Variants in PDE9A observed in about 807,000 individuals in gnomAD.
PDE9A encodes the protein phosphodiesterase 9A, also known as high affinity cGMP-specific 3',5'-cyclic phosphodiesterase 9A.
PDE9A carries 60 observed loss-of-function variants against 87.4 expected under a neutral mutation model. That is an observed-to-expected ratio of 0.69 (90% CI 0.56 to 0.85). The LOEUF (loss-of-function observed/expected upper bound fraction) is 0.85. Among genes scored for constraint, PDE9A ranks in the 40% least tolerant of loss-of-function variants. PDE9A has a pLI of 0.00. For missense variants in PDE9A, 665 were observed against 779.0 expected (o/e 0.85, Z 1.74); for synonymous variants, 272 against 279.4 (o/e 0.97, Z 0.27).
Position 42,716,372 on chromosome 21 carries a change from C to T in PDE9A, c.263-15398C>T, listed in dbSNP as rs138173296. Among the ~76,000 whole-genome samples the T allele has an allele frequency of 4.0e-4, 61 of 151,854 alleles. 1 individual carries two copies. Among genetic ancestry groups the T allele is most frequent in the South Asian group, 2.1e-4 (1 of 4,720 alleles). ...AGCAGCAATGAACGAGCATTCCTGC[C>T]GCTCCACATCCTCCCCAGCTTTTGT... On this transcript the variant is annotated intron_variant, in intron 4 of 19. Coordinates refer to ENST00000291539, the MANE Select transcript of PDE9A (RefSeq NM_002606.3).
intron 4 of PDE9A, among the ~76,000 whole-genome samples, chr21:42,711,375 C>A (rs190097472): frequency 6.6e-6 from 1 of 151,816 alleles, no homozygotes; most frequent in Non-Finnish European, 1.5e-5. Context: ...CTCAGGCTCC[C>A]GAGTAACTAG....
chr21:42,755,470 C>G (rs987570603), intron 10 of PDE9A, among the ~76,000 whole-genome samples: 3 of 152,322 alleles, frequency 2.0e-5, no homozygotes, highest in East Asian at 3.9e-4. Context: ...TGCTCAAAAC[C>G]TCCAGCCGCC....
chr21:42,761,258 C>A (rs562610188), intron 13 of PDE9A, among the ~76,000 whole-genome samples: 3 of 152,256 alleles, frequency 2.0e-5, no homozygotes, highest in Admixed American at 6.5e-5. Context: ...GGGCTCCACA[C>A]CCCCCTCTCA....
chr21:42,746,025 T>C (rs766484396), intron 8 of PDE9A, among the ~76,000 whole-genome samples: 1 of 152,188 alleles, frequency 6.6e-6, no homozygotes, highest in African/African-American at 2.4e-5. Flanking sequence ...TGGAGGTGTT[T>C]GTAGGATGCA....
intron 3 of PDE9A, chr21:42,690,018 G>A (rs2059706139): frequency 2.0e-6 from 2 of 985,350 alleles, no homozygotes; most frequent in Admixed American, 1.2e-4. Context: ...GGATACAGGT[G>A]AAGAAGGTGG....
chr21:42,769,507 ACATGCACACAAGG>A (rs2056764253), intron 17 of PDE9A, among the ~76,000 whole-genome samples: 1 of 113,688 alleles, frequency 8.8e-6, no homozygotes, highest in East Asian at 2.8e-4. Flanking sequence ...ACGCAGGTAC[ACATGCACACAAGG>A]CACACAGGCA....
chr21:42,730,544 A>C (rs2051620387), intron 4 of PDE9A, among the ~76,000 whole-genome samples: 2 of 152,230 alleles, frequency 1.3e-5, no homozygotes, highest in African/African-American at 4.8e-5. Flanking sequence ...ATTTATATAA[A>C]ACTTATAACC....
chr21:42,689,414 C>A, intron 3 of PDE9A: 2 of 393,728 alleles, frequency 5.1e-6, no homozygotes, highest in Non-Finnish European at 6.9e-6. Context: ...CTCCAGTAAG[C>A]ATCTTGTCAG....
chr21:42,696,385 T>G lies in PDE9A; in HGVS notation c.219-2583T>G, dbSNP rs895032839. ...ACCCGCCCCCCACCTCCAGCATTAATTTTCTAGGGACAAGGGGCAGGGGAA... is the reference window on the plus strand; with the variant it reads ...ACCCGCCCCCCACCTCCAGCATTAAGTTTCTAGGGACAAGGGGCAGGGGAA... On this transcript the variant is annotated intron_variant, in intron 3 of 19. Coordinates refer to ENST00000291539, the MANE Select transcript of PDE9A (RefSeq NM_002606.3). This position sits in a 1 kb window ranked among gnomAD's most constrained non-coding sequence, Gnocchi z 5.1. 5.3e-5 allele frequency among the ~76,000 whole-genome samples: 8 copies of G among 152,048 alleles called. No individual in the cohort carries two copies. The highest frequency in any genetic ancestry group is 1.2e-4 in the Non-Finnish European group (8 of 68,008).
At chr21:42,726,618 A>ATTTTTTTTTTTTTTTT (rs1486108848) in intron 4 of PDE9A, among the ~76,000 whole-genome samples, 1 of 23,048 alleles carries the variant, frequency 4.3e-5, no homozygotes, top group African/African-American at 3.3e-4. Flanking sequence ...ATATATATAT[A>ATTTTTTTTTTTTTTTT]TATATATTTT....
At position 42,768,122 on chromosome 21, in the gene PDE9A, C is replaced by G; in HGVS notation, c.1357-66C>G. 4.2e-6 allele frequency: 4 copies of G among 946,132 alleles called. No homozygotes were observed. The Middle Eastern group carries it at 6.3e-4, about 149-fold the overall frequency. The allele number at this position is 946,132 out of a possible 1,614,324, so 58.6% of individuals were successfully genotyped here. A position where few individuals can be genotyped will look rare whatever the true frequency, so the allele number is the denominator to read the frequency against. On this transcript the variant is annotated intron_variant, in intron 15 of 19. Coordinates refer to ENST00000291539, the MANE Select transcript of PDE9A (RefSeq NM_002606.3). Reference sequence around the variant, plus strand: ...CCTGCCTGTAATGGCAAGTCCAGACCCGAGCAGCAGCAGCAGGCCCGTGTT... The same window carrying G: ...CCTGCCTGTAATGGCAAGTCCAGACGCGAGCAGCAGCAGCAGGCCCGTGTT...
intron 4 of PDE9A, among the ~76,000 whole-genome samples, chr21:42,703,749 G>A (rs2048577431): frequency 6.6e-6 from 1 of 152,218 alleles, no homozygotes; most frequent in Non-Finnish European, 1.5e-5. Context: ...GCACCCAGTG[G>A]CTGAGAGATC....
At chr21:42,656,074 G>A (rs1161847975) in intron 1 of PDE9A, among the ~76,000 whole-genome samples, 1 of 152,198 alleles carries the variant, frequency 6.6e-6, no homozygotes, top group African/African-American at 2.4e-5. Context: ...GCCATCAGCC[G>A]CCATTCCTTC....
Position 42,743,608 on chromosome 21 carries a change from G to A in PDE9A, c.569-168G>A, listed in dbSNP as rs371887419. 2.2e-4 allele frequency among the ~76,000 whole-genome samples: 33 copies of A among 152,336 alleles called. 1 individual carries two copies. In the South Asian group the frequency reaches 6.6e-3, roughly 31 times the overall value. On this transcript the variant is annotated intron_variant, in intron 7 of 19. Transcript: ENST00000291539. ...AGTCAGTTGTGGCTGAGCTAAGCGC[G>A]GAAGTGCAGGCAAAACCTGAGTATC...
At chr21:42,728,307 A>C (rs1425393373) in intron 4 of PDE9A, among the ~76,000 whole-genome samples, 1 of 152,230 alleles carries the variant, frequency 6.6e-6, no homozygotes, top group Non-Finnish European at 1.5e-5. Context: ...ACACCAAGGA[A>C]CAACTGTATA....
At chr21:42,686,487 C>A (rs1230414083) in intron 2 of PDE9A, among the ~76,000 whole-genome samples, 1 of 152,252 alleles carries the variant, frequency 6.6e-6, no homozygotes, top group East Asian at 1.9e-4. Flanking sequence ...AGGAAACCGT[C>A]GGGCTGAATT....
chr21:42,661,122 C>G (rs2145823261), intron 1 of PDE9A, among the ~76,000 whole-genome samples: 1 of 151,850 alleles, frequency 6.6e-6, no homozygotes, highest in African/African-American at 2.4e-5. Context: ...ACCTCCGCCT[C>G]CCAGGTTCAA....
chr21:42,680,348 G>A (rs1483252211), intron 1 of PDE9A, among the ~76,000 whole-genome samples: 1 of 152,396 alleles, frequency 6.6e-6, no homozygotes, highest in African/African-American at 2.4e-5. Flanking sequence ...GACAGGGCAG[G>A]GTTAGCAGGA....
In PDE9A at chr21:42,772,487, A is replaced by C; in HGVS notation, c.1735A>C (p.Arg579=). ...SLTSGATEKS[R]ERSRDVKNSE... The stretch of plus-strand genomic sequence containing the variant: ...GACGTCTGGGGCCACCGAGAAGTCC[A>C]GAGAGAGAAGCAGAGATGTGAAAAA... The change falls in exon 19 of 20, where the codon AGA becomes CGA. Residue 579 remains arginine, a synonymous_variant. Transcript: ENST00000291539. 2 of 1,609,906 alleles carry C rather than the reference A, an allele frequency of 1.2e-6. No homozygotes were observed. Among genetic ancestry groups the C allele is most frequent in the Non-Finnish European group, 1.7e-6 (2 of 1,178,268 alleles).
Sources: allele counts gnomAD v4.1 joint callset (sites outside exome capture counted in the v4.1 genomes callset), GRCh38; gene constraint gnomAD v4.1.1; non-coding constraint Gnocchi (gnomAD v3.1); transcripts MANE v1.5; gene names NCBI Gene and HGNC (gene_info 2026-07-23, HGNC 2026-07-21).